ZNF90: variants seen among roughly 807,000 people sequenced by gnomAD.
ZNF90 encodes the protein zinc finger protein 90, also known as zinc finger protein HTF9.
A neutral mutation model predicts 12.0 loss-of-function variants in ZNF90; 11 were observed. That is an observed-to-expected ratio of 0.92 (90% CI 0.58 to 1.52). ZNF90 has a LOEUF of 1.52. ZNF90 is among the 40% of genes most tolerant of loss of function. The pLI is 0.00. For missense variants in ZNF90, 765 were observed against 711.5 expected (o/e 1.08, Z -0.86); for synonymous variants, 232 against 240.1 (o/e 0.97, Z 0.31).
chr19:20,110,650 A>G (rs782379190), intron 3 of ZNF90, among the ~76,000 whole-genome samples: 7 of 152,096 alleles, frequency 4.6e-5, no homozygotes, highest in Non-Finnish European at 7.4e-5. Context: ...TTTTCCACCA[A>G]CGTTTAACAT....
chr19:20,085,217 G>A (rs2088849072), intron 1 of ZNF90, among the ~76,000 whole-genome samples: 1 of 150,860 alleles, frequency 6.6e-6, no homozygotes, highest in African/African-American at 2.4e-5. Context: ...GAAATCTGAT[G>A]GCGGTAGGAG....
chr19:20,078,088 A>G lies in ZNF90; in HGVS notation c.-45A>G, dbSNP rs761352066. The G allele has an allele frequency of 6.8e-6, 11 of 1,613,680 alleles. No individual in the cohort carries two copies. In the African/African-American group the frequency reaches 1.2e-4, roughly 18 times the overall value. The stretch of plus-strand genomic sequence containing the variant: ...CAGCCTCTGTGGCCCTGTGACCTGC[A>G]GGTATTGGGAGATCCACAGCTGAGG... On this transcript the variant is annotated 5_prime_UTR_variant, in exon 1 of 4. Transcript: ENST00000418063.
chr19:20,092,663 AGTT>A (rs1488522369), intron 1 of ZNF90, among the ~76,000 whole-genome samples: 2 of 152,098 alleles, frequency 1.3e-5, no homozygotes, highest in African/African-American at 2.4e-5. Flanking sequence ...GAAGGAAAGG[AGTT>A]GTTGTTTTGT....
At chr19:20,079,326 A>C (rs917528821) in intron 1 of ZNF90, among the ~76,000 whole-genome samples, 1 of 145,336 alleles carries the variant, frequency 6.9e-6, no homozygotes, top group African/African-American at 2.6e-5. Flanking sequence ...TTTTTTTGAG[A>C]TGGAGTTTGT....
chr19:20,088,302 C>G (rs530300595), intron 1 of ZNF90, among the ~76,000 whole-genome samples: 1 of 151,946 alleles, frequency 6.6e-6, no homozygotes, highest in East Asian at 1.9e-4. Context: ...AGAGATTAAG[C>G]TGAAGGGAGG....
At position 20,120,102 on chromosome 19, in the gene ZNF90, C is replaced by T. The variant is rs1039595189; in HGVS notation, c.*742C>T. The stretch of plus-strand genomic sequence containing the variant: ...GGTAAGATAATTCATACTGGCAAAA[C>T]TCCTACAAGTGTGAAGAATGTGGGA... On this transcript the variant is annotated 3_prime_UTR_variant, in exon 4 of 4. Coordinates refer to ENST00000418063, the MANE Select transcript of ZNF90 (RefSeq NM_007138.2). Among the ~76,000 whole-genome samples, 9 of 152,176 alleles carry T rather than the reference C, an allele frequency of 5.9e-5. No individual in the cohort carries two copies. The highest frequency in any genetic ancestry group is 2.2e-4 in the African/African-American group (9 of 41,434).
intron 3 of ZNF90, among the ~76,000 whole-genome samples, chr19:20,106,250 C>T (rs1219120671): frequency 2.0e-5 from 3 of 151,672 alleles, no homozygotes; most frequent in Non-Finnish European, 2.9e-5. Context: ...ACAGTTTTTA[C>T]TCTGTTTATG....
intron 3 of ZNF90, among the ~76,000 whole-genome samples, chr19:20,117,046 T>TGA (rs376810203): frequency 0.027 from 3,826 of 140,946 alleles, 77 homozygotes; most frequent in East Asian, 0.032. Context: ...TGTGTGTGTG[T>TGA]GAGAGAGAGA....
chr19:20,108,646 T>G (rs782386683), intron 3 of ZNF90, among the ~76,000 whole-genome samples: 1 of 152,004 alleles, frequency 6.6e-6, no homozygotes, highest in Non-Finnish European at 1.5e-5. Flanking sequence ...GATACATTAA[T>G]GTAGCATACC....
chr19:20,110,372 G>A (rs1166260478), intron 3 of ZNF90, among the ~76,000 whole-genome samples: 4 of 151,932 alleles, frequency 2.6e-5, no homozygotes, highest in African/African-American at 4.8e-5. Flanking sequence ...CCTGCCTCCT[G>A]GGTTCAAGCA....
intron 3 of ZNF90, among the ~76,000 whole-genome samples, chr19:20,111,691 T>C (rs1555705128): frequency 6.6e-6 from 1 of 152,104 alleles, no homozygotes; most frequent in Admixed American, 6.5e-5. Flanking sequence ...TTTCTATAAA[T>C]TTTATCTTTG....
intron 1 of ZNF90, among the ~76,000 whole-genome samples, chr19:20,089,355 A>G (rs1209543424): frequency 3.9e-5 from 6 of 152,162 alleles, no homozygotes; most frequent in African/African-American, 1.2e-4. Context: ...ATACAGGGCA[A>G]GTGTCTTCCT....
intron 1 of ZNF90, among the ~76,000 whole-genome samples, chr19:20,095,508 T>C (rs1180555994): frequency 6.6e-6 from 1 of 150,682 alleles, no homozygotes; most frequent in East Asian, 2.0e-4. Flanking sequence ...AAAGAGAGCA[T>C]AGAGACACGG....
intron 3 of ZNF90, among the ~76,000 whole-genome samples, chr19:20,110,810 G>A (rs1327775041): frequency 6.6e-6 from 1 of 152,008 alleles, no homozygotes; most frequent in Admixed American, 6.6e-5. Flanking sequence ...CCTTTCAAAT[G>A]CTTTTTCTCA....
chr19:20,087,973 G>A (rs572349935), intron 1 of ZNF90, among the ~76,000 whole-genome samples: 1 of 152,226 alleles, frequency 6.6e-6, no homozygotes, highest in South Asian at 2.1e-4. Context: ...GTTAAGGCAA[G>A]GACCGGCCAT....
chr19:20,094,616 C>G (rs1252937514), intron 1 of ZNF90, among the ~76,000 whole-genome samples: 1 of 152,188 alleles, frequency 6.6e-6, no homozygotes, highest in African/African-American at 2.4e-5. Context: ...GGGAACTGCT[C>G]TAATGCCTTC....
rs2089160575 is a variant in ZNF90 at position 20,118,358 on chromosome 19, T to C, written c.804T>C (p.Tyr268=). ...AAGATTGTGGCAAAGAATTAAAGTA[T>C]TCCTCTACCCTTACTGCACATAAGA... ...KCEDCGKELK[Y]SSTLTAHKRI... The change falls in exon 4 of 4, where the codon TAT becomes TAC. Residue 268 remains tyrosine (Y), a synonymous_variant. Coordinates refer to ENST00000418063, the MANE Select transcript of ZNF90 (RefSeq NM_007138.2). 6.4e-7 allele frequency: 1 copy of C among 1,566,368 alleles called. No homozygotes were observed. The highest frequency in any genetic ancestry group is 8.7e-7 in the Non-Finnish European group (1 of 1,154,766).
In ZNF90 at chr19:20,119,095, G is replaced by A. The variant is rs782247158; in HGVS notation, c.1541G>A (p.Cys514Tyr). 5 of 1,612,718 alleles carry A rather than the reference G, an allele frequency of 3.1e-6. No individual in the cohort carries two copies. The East Asian group carries it at 8.9e-5, about 29-fold the overall frequency. ...GAGAATCCCTACAAATGTGAAGAAT[G>A]TGGCAAAGCCTTCAAGCGCTCCTCA... ...SGENPYKCEECGKAFKRSSVL... is the reference protein window; with the variant it reads ...SGENPYKCEEYGKAFKRSSVL... Residue 514 changes from cysteine (C) to tyrosine (Y), a missense_variant, in exon 4 of 4, where the codon TGT becomes TAT. Physicochemically the swap from Cys to Tyr is radical, Grantham distance 194. Transcript: ENST00000418063.
chr19:20,109,049 T>C (rs1349885174), intron 3 of ZNF90, among the ~76,000 whole-genome samples: 1 of 152,174 alleles, frequency 6.6e-6, no homozygotes, highest in Non-Finnish European at 1.5e-5. Context: ...AACATCAGTT[T>C]ATTGTGTCTA....
Sources: allele counts gnomAD v4.1 joint callset (sites outside exome capture counted in the v4.1 genomes callset), GRCh38; gene constraint gnomAD v4.1.1; transcripts MANE v1.5; gene names NCBI Gene and HGNC (gene_info 2026-07-23, HGNC 2026-07-21).